Variants in FER observed in about 807,000 individuals in gnomAD.
FER encodes FER tyrosine kinase, also known as tyrosine-protein kinase Fer.
Under a neutral mutation model 111.0 loss-of-function variants are expected in FER, and 63 were observed. The observed-to-expected ratio is 0.57, with a 90% CI of 0.46 to 0.70. The LOEUF is 0.70. Ranked by LOEUF, FER falls within the 30% of genes least tolerant of loss-of-function variation. FER has a pLI of 0.00. For missense variants in FER, 914 were observed against 954.0 expected (o/e 0.96, Z 0.55); for synonymous variants, 327 against 313.9 (o/e 1.04, Z -0.44).
At chr5:109,164,047 C>A (rs1025975369) in intron 17 of FER, among the ~76,000 whole-genome samples, 2 of 152,150 alleles carry the variant, frequency 1.3e-5, no homozygotes, top group Non-Finnish European at 2.9e-5. Flanking sequence ...CTGCATAAAA[C>A]CTAAACCAGT....
chr5:108,833,280 A>G (rs2150133476), intron 4 of FER, among the ~76,000 whole-genome samples: 1 of 152,308 alleles, frequency 6.6e-6, no homozygotes, highest in South Asian at 2.1e-4. Context: ...TAAATAAAAA[A>G]GAAAATACAG....
intron 16 of FER, among the ~76,000 whole-genome samples, chr5:109,054,209 A>G (rs72790592): frequency 4.6e-5 from 7 of 152,172 alleles, no homozygotes; most frequent in African/African-American, 1.7e-4. Flanking sequence ...AGAAACTACC[A>G]AATTACTTTC....
At chr5:109,167,762 C>G (rs1756703979) in intron 17 of FER, among the ~76,000 whole-genome samples, 1 of 152,238 alleles carries the variant, frequency 6.6e-6, no homozygotes, top group South Asian at 2.1e-4. Flanking sequence ...TAACCTTACC[C>G]TATCTGAATG....
chr5:108,845,012 A>G (rs1162900215), intron 5 of FER, among the ~76,000 whole-genome samples: 5 of 34,910 alleles, frequency 1.4e-4, no homozygotes, highest in East Asian at 1.1e-3. Context: ...ATATATATAT[A>G]TATATATATA....
chr5:109,179,512 T>G (rs2126847577), intron 17 of FER, among the ~76,000 whole-genome samples: 1 of 152,344 alleles, frequency 6.6e-6, no homozygotes, highest in Middle Eastern at 3.4e-3. Flanking sequence ...TTTAAAATGT[T>G]AAACCAACCT....
At chr5:108,821,207 A>G (rs1386775626) in intron 3 of FER, among the ~76,000 whole-genome samples, 1 of 152,230 alleles carries the variant, frequency 6.6e-6, no homozygotes, top group Non-Finnish European at 1.5e-5. Flanking sequence ...TGAAGGTCAT[A>G]CTTAACTCAG....
chr5:108,838,406 T>C (rs917635027), intron 5 of FER, among the ~76,000 whole-genome samples: 3 of 152,146 alleles, frequency 2.0e-5, no homozygotes, highest in East Asian at 1.9e-4. Flanking sequence ...CAATCTAACA[T>C]AGAGCATCCA....
chr5:109,008,805 T>C (rs147268982), intron 13 of FER, among the ~76,000 whole-genome samples: 6,195 of 152,000 alleles, frequency 0.041, 163 homozygotes, highest in South Asian at 0.076. Flanking sequence ...ACCCTGTCTC[T>C]ACTAAAAATA....
intron 13 of FER, among the ~76,000 whole-genome samples, chr5:108,966,240 A>G (rs1397881891): frequency 6.6e-6 from 1 of 152,164 alleles, no homozygotes; most frequent in Non-Finnish European, 1.5e-5. Context: ...GGAAATGGGC[A>G]TAGGCAGGTA....
At chr5:109,044,403 G>A (rs1310900980) in intron 14 of FER, among the ~76,000 whole-genome samples, 1 of 151,848 alleles carries the variant, frequency 6.6e-6, no homozygotes, top group Admixed American at 6.6e-5. Flanking sequence ...GGATGGTCTC[G>A]ATCTCCTGAC....
chr5:108,930,087 T>C (rs904542890), intron 10 of FER, among the ~76,000 whole-genome samples: 1 of 152,132 alleles, frequency 6.6e-6, no homozygotes, highest in African/African-American at 2.4e-5. Flanking sequence ...TTTGTTTGAA[T>C]CTATGTATGA....
rs187789755 is a variant in FER, at chr5:108,897,227, A to G, written c.1047-432A>G. ...CAACATATACACAAGCTTTGTGTCCAGACTGTCACCTTGATTTTATTTATT... is the reference window on the plus strand; with the variant it reads ...CAACATATACACAAGCTTTGTGTCCGGACTGTCACCTTGATTTTATTTATT... On this transcript the variant is annotated intron_variant, in intron 9 of 19. Transcript: ENST00000281092. 2.2e-3 allele frequency among the ~76,000 whole-genome samples: 334 copies of G among 152,286 alleles called. 4 individuals are homozygous for G. The highest frequency in any genetic ancestry group is 7.3e-3 in the African/African-American group (304 of 41,566).
chr5:109,133,572 T>C (rs1432434867), intron 17 of FER, among the ~76,000 whole-genome samples: 1 of 152,134 alleles, frequency 6.6e-6, no homozygotes, highest in African/African-American at 2.4e-5. Context: ...ATTATCAAGG[T>C]TTTAAAAACA....
intron 16 of FER, among the ~76,000 whole-genome samples, chr5:109,061,513 A>C (rs1774412759): frequency 6.6e-6 from 1 of 152,166 alleles, no homozygotes; most frequent in Non-Finnish European, 1.5e-5. Flanking sequence ...AAGTAGGCTA[A>C]TAGTACTCTA....
At chr5:109,130,364 A>G (rs544442075) in intron 17 of FER, among the ~76,000 whole-genome samples, 2 of 152,096 alleles carry the variant, frequency 1.3e-5, no homozygotes, top group African/African-American at 2.4e-5. Context: ...CTACACTATC[A>G]TAACACTTAT....
At chr5:108,910,557 G>A (rs1310908665) in intron 10 of FER, among the ~76,000 whole-genome samples, 1 of 152,142 alleles carries the variant, frequency 6.6e-6, no homozygotes, top group African/African-American at 2.4e-5. Flanking sequence ...TAATGGTGGG[G>A]TTTGGGCTTC....
intron 11 of FER, among the ~76,000 whole-genome samples, chr5:108,949,069 A>G (rs1322009613): frequency 6.6e-6 from 1 of 152,104 alleles, no homozygotes; most frequent in South Asian, 2.1e-4. Flanking sequence ...TGCTTCCTTC[A>G]TATAGAATAA....
chr5:109,080,432 G>C (rs1166496733), intron 16 of FER, among the ~76,000 whole-genome samples: 1 of 152,036 alleles, frequency 6.6e-6, no homozygotes, highest in Non-Finnish European at 1.5e-5. Flanking sequence ...AATATTTACT[G>C]TTTTAAAAAA....
At chr5:108,966,061 T>G (rs1228290570) in intron 13 of FER, among the ~76,000 whole-genome samples, 22 of 152,136 alleles carry the variant, frequency 1.4e-4, no homozygotes, top group Admixed American at 1.4e-3. Context: ...ATCAAAAAAG[T>G]AATAGACTTT....
Sources: gnomAD v4.1 joint callset for allele counts (sites outside exome capture counted in the v4.1 genomes callset) on GRCh38, gnomAD v4.1.1 for gene constraint, MANE v1.5 for transcripts, NCBI Gene and HGNC (gene_info 2026-07-23, HGNC 2026-07-21) for gene names.